Variants in SATB2 observed in about 807,000 individuals in gnomAD.
The protein encoded by SATB2 is SATB homeobox 2.
A neutral mutation model predicts 73.4 loss-of-function variants in SATB2; 1 was observed. The ratio of observed to expected loss-of-function variants is 0.01; its 90% confidence interval spans 0.00 to 0.06. The LOEUF (loss-of-function observed/expected upper bound fraction) is 0.06, where lower values mean the gene tolerates loss of function less well. Among genes scored for constraint, SATB2 ranks in the 10% least tolerant of loss-of-function variants. SATB2 has a pLI of 1.00. For missense variants in SATB2, 459 were observed against 945.8 expected (o/e 0.49, Z 6.75); for synonymous variants, 397 against 367.0 (o/e 1.08, Z -0.93).
chr2:199,324,494 T>C (rs922370185), intron 8 of SATB2, among the ~76,000 whole-genome samples: 6 of 152,210 alleles, frequency 3.9e-5, no homozygotes, highest in African/African-American at 1.4e-4. Flanking sequence ...GACAGTCACC[T>C]AATTTCACCT....
intron 6 of SATB2, among the ~76,000 whole-genome samples, chr2:199,366,733 T>A (rs1324879803): frequency 1.3e-5 from 2 of 151,032 alleles, no homozygotes; most frequent in African/African-American, 4.9e-5. Flanking sequence ...CAGGTGTGGA[T>A]CCTTGACCAA....
intron 2 of SATB2, among the ~76,000 whole-genome samples, chr2:199,441,496 G>A (rs928699324): frequency 6.6e-6 from 1 of 152,206 alleles, no homozygotes; most frequent in Non-Finnish European, 1.5e-5. Flanking sequence ...GGGGGCAATG[G>A]GGTTGAGAAT....
At chr2:199,462,486 G>A (rs908305573), upstream of SATB2, among the ~76,000 whole-genome samples, 3 of 152,212 alleles carry the variant, frequency 2.0e-5, no homozygotes, top group African/African-American at 7.2e-5. This position sits in a 1 kb window ranked among gnomAD's most constrained non-coding sequence, Gnocchi z 5.9. Flanking sequence ...CGCCCAGGGT[G>A]GGCTTCAGCC....
At chr2:199,343,539 A>T (rs562198652) in intron 7 of SATB2, among the ~76,000 whole-genome samples, 1 of 152,326 alleles carries the variant, frequency 6.6e-6, no homozygotes, top group South Asian at 2.1e-4. Flanking sequence ...CCAGCTGCCC[A>T]GTCCGGCTGT....
chr2:199,386,818 A>AT lies in SATB2; in HGVS notation c.347-4999dup, dbSNP rs376799430. Among the ~76,000 whole-genome samples the AT allele has an allele frequency of 1.0e-3, 154 of 150,650 alleles. No homozygotes were observed. In the Middle Eastern group the frequency reaches 0.01, roughly 10 times the overall value. ...AGATGCTAAATGCATGGCAATTTCC[A>AT]TTTTTTCTCTGAAAATTTATCACAC... is the stretch of plus-strand genomic sequence containing the variant. On this transcript the variant is annotated intron_variant, in intron 3 of 10. Coordinates refer to ENST00000417098, the MANE Select transcript of SATB2 (RefSeq NM_001172509.2).
chr2:199,366,565 G>A (rs1031442290), intron 6 of SATB2, among the ~76,000 whole-genome samples: 1 of 151,944 alleles, frequency 6.6e-6, no homozygotes, highest in African/African-American at 2.4e-5. Context: ...AACACCACTT[G>A]AACTGTTTTA....
chr2:199,457,374 C>G lies in SATB2; in HGVS notation c.-95G>C, dbSNP rs573624153. The G allele has an allele frequency of 6.6e-6, 1 of 152,536 alleles. No homozygotes were observed. The highest frequency in any genetic ancestry group is 1.9e-4 in the East Asian group (1 of 5,170). The allele number at this position is 152,536 out of a possible 1,614,324, so 9.4% of individuals were successfully genotyped here. ...CTGTCTGAAACTTGGCTGACTGGGGCTCTGTCCATGGAGCAAAAGTAGAGA... is the reference window on the plus strand; with the variant it reads ...CTGTCTGAAACTTGGCTGACTGGGGGTCTGTCCATGGAGCAAAAGTAGAGA... On this transcript the variant is annotated 5_prime_UTR_variant, in exon 1 of 11. Transcript: ENST00000417098. The surrounding 1 kb of genome is among the most constrained non-coding windows in gnomAD (Gnocchi z 4.8).
intron 9 of SATB2, among the ~76,000 whole-genome samples, chr2:199,315,376 C>G (rs1214421498): frequency 6.6e-6 from 1 of 151,920 alleles, no homozygotes; most frequent in Non-Finnish European, 1.5e-5. Context: ...GTTCAAATGA[C>G]CAGGGAGGCC....
intron 10 of SATB2, among the ~76,000 whole-genome samples, chr2:199,293,888 G>GA (rs1168035799): frequency 4.0e-5 from 6 of 151,070 alleles, no homozygotes; most frequent in African/African-American, 9.8e-5. Flanking sequence ...GAGGGTGGGA[G>GA]AAAAAAAACA....
intron 10 of SATB2, among the ~76,000 whole-genome samples, chr2:199,293,302 T>C (rs1345386946): frequency 6.6e-6 from 1 of 152,168 alleles, no homozygotes. Context: ...CATTCCATTA[T>C]ACATAGCAAT....
Position 199,380,357 on chromosome 2 carries a change from T to C in SATB2, c.597+7A>G. ...TGTTTCCCAGACCCCCACCTGAAGA[T>C]ACTGACCTGGGAGAGAGGGCATTCT... On this transcript the variant is annotated splice_region_variant and intron_variant, in intron 5 of 10. Coordinates refer to ENST00000417098, the MANE Select transcript of SATB2 (RefSeq NM_001172509.2). The C allele has an allele frequency of 6.2e-7, 1 of 1,613,902 alleles. No homozygotes were observed. Among genetic ancestry groups the C allele is most frequent in the Non-Finnish European group, 8.5e-7 (1 of 1,179,798 alleles).
chr2:199,381,801 C>T lies in SATB2; in HGVS notation c.366G>A (p.Arg122=). Residue 122 remains arginine (R), a synonymous_variant, in exon 4 of 11, where the codon AGG becomes AGA. Coordinates refer to ENST00000417098, the MANE Select transcript of SATB2 (RefSeq NM_001172509.2). ...CATAACTGAGGGGGAGAGGGTTCCA[C>T]CTTCCCAGCTTGATTATTCCTGCAC... is the stretch of plus-strand genomic sequence containing the variant. ...AQAQGIIKLG[R]WNPLPLSYVT... The T allele has an allele frequency of 1.2e-6, 2 of 1,614,040 alleles. No individual in the cohort carries two copies. The highest frequency in any genetic ancestry group is 1.7e-6 in the Non-Finnish European group (2 of 1,179,938).
intron 9 of SATB2, among the ~76,000 whole-genome samples, chr2:199,318,564 A>G (rs1039308602): frequency 6.6e-6 from 1 of 152,068 alleles, no homozygotes; most frequent in African/African-American, 2.4e-5. Flanking sequence ...ATACACATTG[A>G]AAGAAAAGAT....
chr2:199,349,455 T>C (rs1688750911), intron 6 of SATB2, among the ~76,000 whole-genome samples: 1 of 152,170 alleles, frequency 6.6e-6, no homozygotes, highest in Admixed American at 6.5e-5. Flanking sequence ...CAGAAACCAC[T>C]GACCATTCTA....
At chr2:199,449,141 AG>A (rs1458931386) in intron 2 of SATB2, among the ~76,000 whole-genome samples, 1 of 152,180 alleles carries the variant, frequency 6.6e-6, no homozygotes, top group African/African-American at 2.4e-5. Context: ...TTTAAGTTAA[AG>A]GACATCAATT....
At chr2:199,461,050 ATTAAAC>A (rs1459639070), upstream of SATB2, among the ~76,000 whole-genome samples, 1 of 152,240 alleles carries the variant, frequency 6.6e-6, no homozygotes, top group African/African-American at 2.4e-5. Flanking sequence ...TTAAAGTTGC[ATTAAAC>A]TTAGAGGAAA....
intron 9 of SATB2, among the ~76,000 whole-genome samples, chr2:199,318,315 A>G (rs1035095985): frequency 5.3e-5 from 8 of 152,068 alleles, no homozygotes; most frequent in Admixed American, 3.3e-4. Context: ...ATAATATAAG[A>G]TCAACATTAA....
chr2:199,327,351 G>T (rs2105793339), intron 8 of SATB2, among the ~76,000 whole-genome samples: 1 of 152,296 alleles, frequency 6.6e-6, no homozygotes, highest in East Asian at 1.9e-4. Context: ...CGAGGCAGGA[G>T]AATCACTTGA....
chr2:199,389,364 A>C (rs184337992), intron 3 of SATB2, among the ~76,000 whole-genome samples: 1 of 151,796 alleles, frequency 6.6e-6, no homozygotes, highest in African/African-American at 2.4e-5. Context: ...GGGTAAAAGT[A>C]AGTGGAAAAT....
Sources: allele counts gnomAD v4.1 joint callset (sites outside exome capture counted in the v4.1 genomes callset), GRCh38; gene constraint gnomAD v4.1.1; non-coding constraint Gnocchi (gnomAD v3.1); transcripts MANE v1.5; gene names NCBI Gene and HGNC (gene_info 2026-07-23, HGNC 2026-07-21).